The following ARID4B variants were observed in gnomAD, a reference collection of about 807,000 sequenced individuals.
ARID4B encodes AT-rich interaction domain 4B.
ARID4B carries 26 observed loss-of-function variants against 147.5 expected under a neutral mutation model. That is an observed-to-expected ratio of 0.18 (90% confidence interval 0.13 to 0.24). The LOEUF is 0.24. Among genes scored for constraint, ARID4B ranks in the 10% least tolerant of loss-of-function variants. The pLI is 1.00. For missense variants in ARID4B, 1,179 were observed against 1,511.5 expected (o/e 0.78, Z 3.65); for synonymous variants, 512 against 507.9 (o/e 1.01, Z -0.11).
At position 235,220,713 on chromosome 1, in the gene ARID4B, T is replaced by A. The variant is rs184898547; in HGVS notation, c.1164-168A>T. 4.0e-3 allele frequency among the ~76,000 whole-genome samples: 614 copies of A among 152,012 alleles called. 1 individual carries two copies. Among genetic ancestry groups the A allele is most frequent in the Non-Finnish European group, 6.7e-3 (453 of 67,966 alleles). On this transcript the variant is annotated intron_variant, in intron 14 of 23. Transcript: ENST00000264183. ...TAATCTTTTCAATGCAAAAAAAAAA[T>A]TTTGTCAAAAAATTCATTTAAAACA...
At chr1:235,295,221 T>C (rs1380666582) in intron 2 of ARID4B, among the ~76,000 whole-genome samples, 1 of 152,064 alleles carries the variant, frequency 6.6e-6, no homozygotes, top group African/African-American at 2.4e-5. Flanking sequence ...AGATAAAAAA[T>C]GATATAGGCC....
At chr1:235,273,247 T>C (rs1181813256) in intron 2 of ARID4B, among the ~76,000 whole-genome samples, 2 of 152,190 alleles carry the variant, frequency 1.3e-5, no homozygotes, top group Admixed American at 1.3e-4. Context: ...TTTCACCATG[T>C]TGGCCAGGCT....
intron 2 of ARID4B, among the ~76,000 whole-genome samples, chr1:235,264,338 T>C (rs1670467906): frequency 6.6e-6 from 1 of 152,168 alleles, no homozygotes; most frequent in Non-Finnish European, 1.5e-5. Flanking sequence ...CCAACCAAAA[T>C]ATGAATGAGA....
chr1:235,200,331 C>T (rs755976980), intron 17 of ARID4B, among the ~76,000 whole-genome samples: 2 of 152,098 alleles, frequency 1.3e-5, no homozygotes, highest in Non-Finnish European at 2.9e-5. Context: ...TGGTAGCGGG[C>T]GCCTGTAGTC....
intron 22 of ARID4B, among the ~76,000 whole-genome samples, chr1:235,173,742 TA>T (rs755815257): frequency 6.1e-4 from 16 of 26,256 alleles, no homozygotes; most frequent in Admixed American, 7.6e-4. Context: ...CGTCTCTATT[TA>T]AAAAAAAAAA....
chr1:235,303,665 G>A (rs1461064118), intron 2 of ARID4B, among the ~76,000 whole-genome samples: 1 of 152,132 alleles, frequency 6.6e-6, no homozygotes, highest in Non-Finnish European at 1.5e-5. Flanking sequence ...GGGGTTCAAG[G>A]CTGCAGTGAG....
chr1:235,255,269 ATCTCTC>A (rs58782902), intron 5 of ARID4B, among the ~76,000 whole-genome samples: 3,128 of 131,658 alleles, frequency 0.024, 154 homozygotes, highest in African/African-American at 0.083. Flanking sequence ...ATAGATATAT[ATCTCTC>A]TCTCTCTCTC....
At chr1:235,193,020 G>T (rs2102955772) in intron 19 of ARID4B, among the ~76,000 whole-genome samples, 1 of 152,134 alleles carries the variant, frequency 6.6e-6, no homozygotes, top group Non-Finnish European at 1.5e-5. Flanking sequence ...GTGAACCCGG[G>T]AGGTGGAGCT....
intron 2 of ARID4B, among the ~76,000 whole-genome samples, chr1:235,289,458 G>A (rs1672186132): frequency 1.3e-5 from 2 of 152,090 alleles, no homozygotes; most frequent in Admixed American, 6.5e-5. Context: ...AGGCAAAGTG[G>A]TTCACTCCTA....
chr1:235,201,447 C>T (rs1257213731), intron 17 of ARID4B, among the ~76,000 whole-genome samples: 2 of 152,000 alleles, frequency 1.3e-5, no homozygotes, highest in African/African-American at 4.8e-5. Context: ...CCTCAGACTC[C>T]TGAACAGTTG....
intron 8 of ARID4B, among the ~76,000 whole-genome samples, chr1:235,238,989 T>C (rs1241896961): frequency 6.7e-6 from 1 of 149,182 alleles, no homozygotes; most frequent in East Asian, 1.9e-4. Context: ...TTTTCTTCTT[T>C]TTTTTTTTTT....
intron 5 of ARID4B, among the ~76,000 whole-genome samples, chr1:235,253,609 C>T (rs1217951180): frequency 2.0e-5 from 3 of 152,040 alleles, no homozygotes; most frequent in Non-Finnish European, 4.4e-5. Flanking sequence ...AATTATATCT[C>T]AATAAAGTAG....
chr1:235,255,220 T>TATATATATAGATAGAGAGAGAG (rs1264196304), intron 5 of ARID4B, among the ~76,000 whole-genome samples: 1 of 62,348 alleles, frequency 1.6e-5, no homozygotes, highest in Admixed American at 1.8e-4. Context: ...TGCTGGGAGC[T>TATATATATAGATAGAGAGAGAG]AGATAGATAG....
At chr1:235,276,993 C>T (rs1206485201) in intron 2 of ARID4B, among the ~76,000 whole-genome samples, 2 of 145,570 alleles carry the variant, frequency 1.4e-5, no homozygotes, top group Admixed American at 6.8e-5. Context: ...AGCAAAACAC[C>T]ATCTCCGAAA....
chr1:235,323,942 T>C (rs1460642085), intron 2 of ARID4B, among the ~76,000 whole-genome samples: 1 of 151,568 alleles, frequency 6.6e-6, no homozygotes, highest in Admixed American at 6.6e-5. Flanking sequence ...TTTCACTTTT[T>C]TCGCCGAGGC....
At chr1:235,200,423 G>A (rs1456828743) in intron 17 of ARID4B, among the ~76,000 whole-genome samples, 3 of 152,086 alleles carry the variant, frequency 2.0e-5, no homozygotes, top group South Asian at 2.1e-4. Context: ...CGCATGCCAC[G>A]GTACCCTAGC....
At chr1:235,298,693 T>G (rs1412116588) in intron 2 of ARID4B, among the ~76,000 whole-genome samples, 1 of 152,006 alleles carries the variant, frequency 6.6e-6, no homozygotes, top group African/African-American at 2.4e-5. Flanking sequence ...TATTTACATA[T>G]AGCGTTTCAT....
chr1:235,190,675 A>G (rs992447822), intron 19 of ARID4B, among the ~76,000 whole-genome samples: 14 of 152,244 alleles, frequency 9.2e-5, no homozygotes, highest in Non-Finnish European at 1.9e-4. Context: ...AAATACAGAT[A>G]TTTAAATGCA....
chr1:235,309,555 G>A (rs1384706953), intron 2 of ARID4B, among the ~76,000 whole-genome samples: 10 of 149,766 alleles, frequency 6.7e-5, no homozygotes, highest in Non-Finnish European at 1.0e-4. Context: ...GAGGTGGGGG[G>A]GTCAGCCCCC....
Sources: gnomAD v4.1 joint callset for allele counts (sites outside exome capture counted in the v4.1 genomes callset) on GRCh38, gnomAD v4.1.1 for gene constraint, MANE v1.5 for transcripts, NCBI Gene and HGNC (gene_info 2026-07-23, HGNC 2026-07-21) for gene names.